ADGRV1: variants seen among roughly 807,000 people sequenced by gnomAD.
ADGRV1 encodes the protein adhesion G protein-coupled receptor V1.
A neutral mutation model predicts 596.2 loss-of-function variants in ADGRV1; 359 were observed. That is an observed-to-expected ratio of 0.60 (90% CI 0.55 to 0.66). The LOEUF (loss-of-function observed/expected upper bound fraction) is 0.66. ADGRV1 is among the 30% of genes least tolerant of loss of function. The pLI is 0.00. For missense variants in ADGRV1, 7,274 were observed against 7,575.6 expected (o/e 0.96, Z 1.48); for synonymous variants, 2,681 against 2,679.2 (o/e 1.00, Z -0.02).
chr5:91,087,009 T>C (rs1432625893), intron 86 of ADGRV1, among the ~76,000 whole-genome samples: 1 of 152,152 alleles, frequency 6.6e-6, no homozygotes, highest in African/African-American at 2.4e-5. Context: ...AGGAACAACT[T>C]ACAGTAATTT....
chr5:91,101,327 T>C (rs976586709), intron 86 of ADGRV1, among the ~76,000 whole-genome samples: 1 of 152,182 alleles, frequency 6.6e-6, no homozygotes, highest in Non-Finnish European at 1.5e-5. Flanking sequence ...ATTTCCATAG[T>C]GGACGAGGAT....
intron 83 of ADGRV1, chr5:90,929,293 G>T (rs1774947491): frequency 1.9e-5 from 3 of 153,978 alleles, no homozygotes; most frequent in African/African-American, 7.2e-5. Flanking sequence ...GACTCCATGG[G>T]TGTAGGACCC....
At chr5:90,820,911 G>A (rs980921331) in intron 75 of ADGRV1, among the ~76,000 whole-genome samples, 79 of 152,004 alleles carry the variant, frequency 5.2e-4, no homozygotes, top group Middle Eastern at 3.4e-3. Flanking sequence ...TGCTCTTCTC[G>A]AGGAGTATCT....
intron 85 of ADGRV1, among the ~76,000 whole-genome samples, chr5:91,020,253 G>A (rs1783524496): frequency 6.6e-6 from 1 of 151,954 alleles, no homozygotes; most frequent in Non-Finnish European, 1.5e-5. Flanking sequence ...AGTAGGGCTA[G>A]GAATCTAACA....
chr5:90,962,897 A>C (rs537486968), intron 83 of ADGRV1, among the ~76,000 whole-genome samples: 1 of 152,352 alleles, frequency 6.6e-6, no homozygotes, highest in South Asian at 2.1e-4. Flanking sequence ...AAGTAAATAC[A>C]GTTTTAAACA....
intron 11 of ADGRV1, 23 bp from the exon 12 acceptor site, chr5:90,642,613 A>G (rs1767115900): frequency 6.2e-7 from 1 of 1,606,450 alleles, no homozygotes; most frequent in Non-Finnish European, 8.5e-7. Context: ...AGCGGGTGCC[A>G]TTTGTCTCTC....
At chr5:90,915,501 G>A (rs1198610015) in intron 83 of ADGRV1, among the ~76,000 whole-genome samples, 2 of 152,160 alleles carry the variant, frequency 1.3e-5, no homozygotes, top group African/African-American at 4.8e-5. Context: ...CCACAAGCTT[G>A]TTTATTTGTT....
chr5:90,673,625 T>C (rs769032034), intron 22 of ADGRV1, among the ~76,000 whole-genome samples: 1 of 152,102 alleles, frequency 6.6e-6, no homozygotes, highest in Non-Finnish European at 1.5e-5. Flanking sequence ...TTCAAAGATA[T>C]GGTGCCTTCT....
At chr5:91,107,422 GTTTTGTTTTTGT>G (rs141924606) in intron 87 of ADGRV1, among the ~76,000 whole-genome samples, 78,733 of 150,498 alleles carry the variant, frequency 0.52, 22,547 homozygotes, top group Non-Finnish European at 0.63. Context: ...GTTTCGTTTT[GTTTTGTTTTTGT>G]TTTTGTTTTT....
intron 73 of ADGRV1, among the ~76,000 whole-genome samples, chr5:90,809,245 C>A (rs1762207444): frequency 6.8e-6 from 1 of 147,068 alleles, no homozygotes; most frequent in African/African-American, 2.5e-5. Context: ...CGTGAGCCAC[C>A]GCGGCCAGGC....
At chr5:90,952,862 A>G (rs12188139) in intron 83 of ADGRV1, among the ~76,000 whole-genome samples, 2,226 of 152,172 alleles carry the variant, frequency 0.015, 18 homozygotes, top group Non-Finnish European at 0.025. Context: ...CTGTATCAGG[A>G]CATGTTTTTT....
chr5:90,676,377 CATG>C (rs1243738385), intron 25 of ADGRV1, among the ~76,000 whole-genome samples, 168 bp downstream of exon 25: 1 of 152,096 alleles, frequency 6.6e-6, no homozygotes, highest in Non-Finnish European at 1.5e-5. Flanking sequence ...GCTTAAGATA[CATG>C]ATAATATATA....
chr5:90,732,489 T>C (rs1457214792), intron 50 of ADGRV1, among the ~76,000 whole-genome samples: 1 of 152,218 alleles, frequency 6.6e-6, no homozygotes, highest in African/African-American at 2.4e-5. Flanking sequence ...ATCTAGTCTC[T>C]TAGCAATTTC....
At chr5:90,648,844 A>G (rs147499342) in intron 17 of ADGRV1, among the ~76,000 whole-genome samples, 443 of 152,370 alleles carry the variant, frequency 2.9e-3, no homozygotes, top group African/African-American at 0.01. Flanking sequence ...ATTGCAAAAA[A>G]CATCGTCAGA....
At chr5:91,083,871 T>C (rs1789634410) in intron 86 of ADGRV1, among the ~76,000 whole-genome samples, 3 of 152,204 alleles carry the variant, frequency 2.0e-5, no homozygotes, top group Admixed American at 2.0e-4. Flanking sequence ...AGTTCAAGAC[T>C]GTAGTGCACT....
intron 89 of ADGRV1, among the ~76,000 whole-genome samples, chr5:91,155,001 A>G (rs1796359899): frequency 6.6e-6 from 1 of 152,236 alleles, no homozygotes; most frequent in Non-Finnish European, 1.5e-5. Flanking sequence ...GGGTGGGGAC[A>G]CAGCCAAATC....
intron 83 of ADGRV1, among the ~76,000 whole-genome samples, chr5:90,898,491 T>G (rs1771529427): frequency 6.6e-6 from 1 of 152,198 alleles, no homozygotes; most frequent in African/African-American, 2.4e-5. Flanking sequence ...TTAATTCACT[T>G]AGTCAGTCTT....
intron 86 of ADGRV1, among the ~76,000 whole-genome samples, chr5:91,095,142 G>A (rs1321084736): frequency 6.6e-6 from 1 of 152,086 alleles, no homozygotes; most frequent in African/African-American, 2.4e-5. Context: ...ATGACTAAGG[G>A]TTAGGAATGC....
chr5:90,750,737 A>G (rs1755152357), intron 53 of ADGRV1, 40 bp downstream of exon 53: 1 of 1,553,410 alleles, frequency 6.4e-7, no homozygotes, highest in Admixed American at 1.7e-5. Context: ...CTTTTAAATT[A>G]TGGTTACTAG....
Sources: allele counts gnomAD v4.1 joint callset (sites outside exome capture counted in the v4.1 genomes callset), GRCh38; gene constraint gnomAD v4.1.1; transcripts MANE v1.5; gene names NCBI Gene and HGNC (gene_info 2026-07-23, HGNC 2026-07-21).